The following OSBPL6 variants were observed in gnomAD, a reference collection of about 807,000 sequenced individuals.
OSBPL6 encodes the protein oxysterol binding protein like 6, also known as oxysterol-binding protein-related protein 6.
OSBPL6 carries 49 observed loss-of-function variants against 125.8 expected under a neutral mutation model. That is an observed-to-expected ratio of 0.39 (90% CI 0.31 to 0.49). OSBPL6 has a LOEUF of 0.49. Ranked by LOEUF, OSBPL6 falls within the 20% of genes least tolerant of loss-of-function variation. The probability of loss-of-function intolerance (pLI) is 0.88; values close to 1 mark genes in which losing one functional copy is unlikely to be tolerated. For missense variants in OSBPL6, 986 were observed against 1,135.4 expected, an observed-to-expected ratio of 0.87 and a Z score of 1.89; for synonymous variants, 394 against 391.8, an observed-to-expected ratio of 1.01 and a Z score of -0.07.
At chr2:178,252,527 A>C (rs1048547278) in intron 1 of OSBPL6, among the ~76,000 whole-genome samples, 8 of 152,170 alleles carry the variant, frequency 5.3e-5, no homozygotes, top group African/African-American at 1.4e-4. Context: ...TGAATTGGGT[A>C]AAACAAAAAA....
intron 3 of OSBPL6, among the ~76,000 whole-genome samples, chr2:178,319,444 A>G (rs1268059814): frequency 6.6e-6 from 1 of 152,124 alleles, no homozygotes; most frequent in Non-Finnish European, 1.5e-5. Flanking sequence ...TATTTTTGTC[A>G]TTTGACATTA....
intron 1 of OSBPL6, among the ~76,000 whole-genome samples, chr2:178,198,626 A>ATAAG (rs2089051689): frequency 7.0e-6 from 1 of 143,622 alleles, no homozygotes. Context: ...TCATAAATAA[A>ATAAG]TAAATAAATA....
At chr2:178,281,779 A>G (rs1408713770) in intron 1 of OSBPL6, among the ~76,000 whole-genome samples, 1 of 132,334 alleles carries the variant, frequency 7.6e-6, no homozygotes, top group Admixed American at 8.4e-5. Flanking sequence ...GAGGGGAACA[A>G]CACACACTGG....
chr2:178,317,437 CATATATATATATATATATATATATATAT>C (rs6147046), intron 3 of OSBPL6, among the ~76,000 whole-genome samples: 3 of 106,986 alleles, frequency 2.8e-5, no homozygotes, highest in Non-Finnish European at 5.5e-5. Context: ...ACTTAGACAC[CATATATATATATATATATATATATATAT>C]ATATATATAT....
At position 178,342,182 on chromosome 2, in the gene OSBPL6, G is replaced by A. The variant is rs201573471; in HGVS notation, c.987+2418G>A. On this transcript the variant is annotated intron_variant, in intron 11 of 24. Coordinates refer to ENST00000190611, the MANE Select transcript of OSBPL6 (RefSeq NM_032523.4). ...GCTGATGTTGCAGCCAATATGAGAG[G>A]CTCTCAAGCAGTGAGAGCTCATTTT... Among the ~76,000 whole-genome samples the A allele has an allele frequency of 9.3e-3, 1,415 of 152,134 alleles. 15 individuals are homozygous for A. Among genetic ancestry groups the A allele is most frequent in the Middle Eastern group, 0.02 (6 of 294 alleles).
intron 11 of OSBPL6, among the ~76,000 whole-genome samples, chr2:178,342,989 G>C: frequency 6.6e-6 from 1 of 151,900 alleles, no homozygotes; most frequent in Non-Finnish European, 1.5e-5. Context: ...TTTTTTTGTG[G>C]AAAACAGATT....
At chr2:178,267,437 C>G (rs928614664) in intron 1 of OSBPL6, among the ~76,000 whole-genome samples, 2 of 151,840 alleles carry the variant, frequency 1.3e-5, no homozygotes, top group African/African-American at 2.4e-5. Context: ...TTTACCTTCC[C>G]CACTTCACTT....
At chr2:178,317,485 A>AT (rs1687858621) in intron 3 of OSBPL6, among the ~76,000 whole-genome samples, 30 of 119,056 alleles carry the variant, frequency 2.5e-4, no homozygotes, top group Non-Finnish European at 4.1e-4. Flanking sequence ...TATATAGAAT[A>AT]ATTATTCATT....
Position 178,396,507 on chromosome 2 carries a change from T to A in OSBPL6, c.*948T>A, listed in dbSNP as rs1333232297. On this transcript the variant is annotated 3_prime_UTR_variant, in exon 25 of 25. Transcript: ENST00000190611. Reference sequence around the variant, plus strand: ...TTAAAAGGAAATAACAAAAAGCATATGGAATTCCTGTGTGGGCTTAGTAGT... The same window carrying A: ...TTAAAAGGAAATAACAAAAAGCATAAGGAATTCCTGTGTGGGCTTAGTAGT... 1 of 152,258 alleles carries A rather than the reference T, an allele frequency of 6.6e-6. No individual in the cohort carries two copies. The highest frequency in any genetic ancestry group is 1.5e-5 in the Non-Finnish European group (1 of 68,060). The allele number at this position is 152,258 out of a possible 1,614,324, so 9.4% of individuals were successfully genotyped here.
At chr2:178,362,475 GAAGT>G (rs1380980879) in intron 13 of OSBPL6, among the ~76,000 whole-genome samples, 9 of 152,090 alleles carry the variant, frequency 5.9e-5, no homozygotes, top group Non-Finnish European at 1.0e-4. Context: ...TAGTTCCTTA[GAAGT>G]AAGTATTTTC....
rs115447260 is a variant in OSBPL6, at chr2:178,376,682, G to A, written c.1533+2655G>A. 7.5e-3 allele frequency among the ~76,000 whole-genome samples: 1,145 copies of A among 152,190 alleles called. 15 individuals are homozygous for A. The highest frequency in any genetic ancestry group is 0.025 in the African/African-American group (1,041 of 41,510). On this transcript the variant is annotated intron_variant, in intron 15 of 24. Transcript: ENST00000190611. The stretch of plus-strand genomic sequence containing the variant: ...CTCCTTAGCTATTAAAACAAAGACC[G>A]TTATAATCTGATGCCTGCTGTCTCT...
At chr2:178,384,402 C>T (rs1226717879) in intron 18 of OSBPL6, among the ~76,000 whole-genome samples, 1 of 152,204 alleles carries the variant, frequency 6.6e-6, no homozygotes, top group Admixed American at 6.5e-5. Context: ...CCAAGGTGTT[C>T]TGGACACAGG....
intron 15 of OSBPL6, among the ~76,000 whole-genome samples, chr2:178,381,949 T>A (rs967031275): frequency 6.6e-6 from 1 of 152,222 alleles, no homozygotes; most frequent in Non-Finnish European, 1.5e-5. Flanking sequence ...CTCTTCTTTG[T>A]GTGCTTCTGT....
chr2:178,302,610 A>G (rs1358970376), intron 2 of OSBPL6, among the ~76,000 whole-genome samples: 2 of 152,188 alleles, frequency 1.3e-5, no homozygotes, highest in African/African-American at 4.8e-5. Context: ...AACAAAAATT[A>G]ATAGAAACAA....
chr2:178,339,701 C>A lies in OSBPL6; in HGVS notation c.924C>A (p.Asp308Glu), dbSNP rs775706860. Reference sequence around the variant, plus strand: ...ACTGTGTAGATATTTCAAAGAAAGACAAGCGGGTCACAAGACGATGGAGAA... The same window carrying A: ...ACTGTGTAGATATTTCAAAGAAAGAAAAGCGGGTCACAAGACGATGGAGAA... ...QANCVDISKK[D>E]KRVTRRWRTK... Residue 308 changes from aspartate to glutamate, a missense_variant, in exon 11 of 25, where the codon GAC (aspartate) becomes GAA (glutamate). Transcript: ENST00000190611. 2 of 1,605,462 alleles carry A rather than the reference C, an allele frequency of 1.2e-6. No homozygotes were observed. The highest frequency in any genetic ancestry group is 2.3e-5 in the East Asian group (1 of 44,248).
At chr2:178,273,505 G>A (rs2154026098) in intron 1 of OSBPL6, among the ~76,000 whole-genome samples, 1 of 152,082 alleles carries the variant, frequency 6.6e-6, no homozygotes, top group Non-Finnish European at 1.5e-5. Flanking sequence ...GCTTGAGCCT[G>A]GGAGGTGGAG....
chr2:178,272,312 G>C (rs1200459537), intron 1 of OSBPL6, among the ~76,000 whole-genome samples: 1 of 152,180 alleles, frequency 6.6e-6, no homozygotes, highest in East Asian at 1.9e-4. Flanking sequence ...CTTGGCACTT[G>C]GGGGTTCTGT....
At position 178,260,934 on chromosome 2, in the gene OSBPL6, T is replaced by TCAGGAGTTCGAGAC. The variant is rs545412809; in HGVS notation, c.-350-23990_-350-23989insGAGTTCGAGACCAG. 2.3e-3 allele frequency among the ~76,000 whole-genome samples: 353 copies of TCAGGAGTTCGAGAC among 152,168 alleles called. 2 individuals are homozygous for TCAGGAGTTCGAGAC. Among genetic ancestry groups the TCAGGAGTTCGAGAC allele is most frequent in the African/African-American group, 8.3e-3 (343 of 41,520 alleles). ...GTTGAGGCAGGCAGATCACCTGAGT[T>TCAGGAGTTCGAGAC]CAGCCTGGCCAACATGGCAAAACTC... On this transcript the variant is annotated intron_variant, in intron 1 of 24. Coordinates refer to ENST00000190611, the MANE Select transcript of OSBPL6 (RefSeq NM_032523.4).
chr2:178,225,241 T>TAA lies in OSBPL6; in HGVS notation c.-351+30579_-351+30580dup, dbSNP rs572870964. Among the ~76,000 whole-genome samples, 14 of 138,220 alleles carry TAA rather than the reference T, an allele frequency of 1.0e-4. No homozygotes were observed. In the Middle Eastern group the frequency reaches 0.011, roughly 112 times the overall value. 90.7% of individuals were successfully genotyped at this position (138,220 alleles called of 152,430 possible). On this transcript the variant is annotated intron_variant, in intron 1 of 24. Transcript: ENST00000190611. ...ACCCTTGGTCAGGTGCCCATTACTT[T>TAA]AAAAAAAAAAAAAGGAAAGAAAAGA...
Sources: allele counts gnomAD v4.1 joint callset (sites outside exome capture counted in the v4.1 genomes callset), GRCh38; gene constraint gnomAD v4.1.1; transcripts MANE v1.5; gene names NCBI Gene and HGNC (gene_info 2026-07-23, HGNC 2026-07-21).